Variants in SLC2A2 observed in about 807,000 individuals in gnomAD.
SLC2A2 encodes the protein solute carrier family 2 member 2.
A neutral mutation model predicts 54.5 loss-of-function variants in SLC2A2; 36 were observed. The ratio of observed to expected loss-of-function variants is 0.66; its 90% confidence interval spans 0.51 to 0.87. SLC2A2 has a LOEUF of 0.87. SLC2A2 is among the 40% of genes least tolerant of loss of function. The pLI is 0.00. For missense variants in SLC2A2, 543 were observed against 624.3 expected, an observed-to-expected ratio of 0.87 and a Z score of 1.39; for synonymous variants, 223 against 219.1, an observed-to-expected ratio of 1.02 and a Z score of -0.16.
At position 170,996,862 on chromosome 3, in the gene SLC2A2, A is replaced by G. The variant is rs1715101263; in HGVS notation, c.*1041T>C. 2 of 388,346 alleles carry G rather than the reference A, an allele frequency of 5.2e-6. No homozygotes were observed. Among genetic ancestry groups the G allele is most frequent in the Admixed American group, 4.5e-5 (1 of 22,464 alleles). 24.1% of individuals were successfully genotyped at this position (388,346 alleles called of 1,614,324 possible). A position where few individuals can be genotyped will look rare whatever the true frequency, so the allele number is the denominator to read the frequency against. On this transcript the variant is annotated 3_prime_UTR_variant, in exon 11 of 11. Transcript: ENST00000314251. Reference sequence around the variant, plus strand: ...TTTTGATAAAAGTCTGAAGCTGAACATTTATGAAGTTTCAGAAGCCCACAC... The same window carrying G: ...TTTTGATAAAAGTCTGAAGCTGAACGTTTATGAAGTTTCAGAAGCCCACAC...
chr3:171,013,205 C>A (rs1715970921), intron 3 of SLC2A2, among the ~76,000 whole-genome samples: 1 of 151,974 alleles, frequency 6.6e-6, no homozygotes. Flanking sequence ...AGCCCACTTG[C>A]TAGGAAATAA....
intron 9 of SLC2A2, 45 bp from the exon 10 acceptor site, chr3:170,998,441 C>G (rs1254219759): frequency 2.0e-6 from 3 of 1,526,564 alleles, no homozygotes; most frequent in Non-Finnish European, 2.7e-6. Context: ...GATCATTTGG[C>G]TGCTTTTTCC....
chr3:171,005,515 C>G, intron 6 of SLC2A2, 43 bp from the exon 7 acceptor site: 1 of 1,504,774 alleles, frequency 6.6e-7, no homozygotes, highest in Non-Finnish European at 9.2e-7. Context: ...CAGGCCAAAA[C>G]AAAAAGAAAT....
intron 5 of SLC2A2, among the ~76,000 whole-genome samples, chr3:171,006,629 C>T (rs1340267984): frequency 6.6e-6 from 1 of 151,962 alleles, no homozygotes; most frequent in Non-Finnish European, 1.5e-5. Context: ...TTATAGACTA[C>T]CCTCTGGATT....
intron 2 of SLC2A2, among the ~76,000 whole-genome samples, chr3:171,017,015 G>A (rs959185736): frequency 6.6e-6 from 1 of 152,054 alleles, no homozygotes; most frequent in Non-Finnish European, 1.5e-5. Flanking sequence ...ACCACGCCCA[G>A]CTAATTTTGT....
intron 4 of SLC2A2, among the ~76,000 whole-genome samples, chr3:171,009,281 T>C (rs1260713638): frequency 6.6e-6 from 1 of 152,100 alleles, no homozygotes; most frequent in African/African-American, 2.4e-5. Flanking sequence ...AGAATAAAGT[T>C]TGTGGGAGGA....
chr3:170,999,221 G>T, intron 8 of SLC2A2, 55 bp from the exon 9 acceptor site: 1 of 1,164,586 alleles, frequency 8.6e-7, no homozygotes, highest in Non-Finnish European at 1.3e-6. Flanking sequence ...AATATTGACT[G>T]TTTACTTAAA....
chr3:171,007,078 A>C, intron 5 of SLC2A2, 70 bp downstream of exon 5: 2 of 848,310 alleles, frequency 2.4e-6, no homozygotes, highest in Non-Finnish European at 4.1e-6. Context: ...AGGGGATGCA[A>C]TAGTAGTAGT....
intron 8 of SLC2A2, 53 bp downstream of exon 8, chr3:171,002,523 G>A (rs1451208567): frequency 5.0e-6 from 6 of 1,188,480 alleles, no homozygotes; most frequent in Non-Finnish European, 7.5e-6. Context: ...CACCCCTCCT[G>A]CAATTTCTGG....
At chr3:171,011,010 G>A (rs1715857565) in intron 3 of SLC2A2, among the ~76,000 whole-genome samples, 2 of 152,064 alleles carry the variant, frequency 1.3e-5, no homozygotes, top group South Asian at 2.1e-4. Flanking sequence ...AAATGTAAAC[G>A]TCCTTGTTAT....
chr3:171,023,786 C>T (rs773650192), intron 1 of SLC2A2, among the ~76,000 whole-genome samples: 10 of 152,148 alleles, frequency 6.6e-5, no homozygotes, highest in Non-Finnish European at 1.5e-4. Flanking sequence ...TCCACATAAC[C>T]TAGTAAGTGC....
chr3:171,015,027 G>T (rs1218395348), intron 2 of SLC2A2, among the ~76,000 whole-genome samples: 1 of 152,194 alleles, frequency 6.6e-6, no homozygotes, highest in Non-Finnish European at 1.5e-5. Context: ...GAATGGTCAG[G>T]ATTGTGGAAC....
Position 171,005,197 on chromosome 3 carries a change from A to G in SLC2A2, c.963+88T>C, listed in dbSNP as rs935230711. ...ACCCATGATGCCAATACCTTAAAAT[A>G]TCTTTTAGCTATTTAAACTTGTACC... On this transcript the variant is annotated intron_variant, in intron 7 of 10. Transcript: ENST00000314251. The G allele has an allele frequency of 2.8e-6, 3 of 1,073,936 alleles. No individual in the cohort carries two copies. The Middle Eastern group carries it at 6.0e-4, about 215-fold the overall frequency. 66.5% of individuals were successfully genotyped at this position (1,073,936 alleles called of 1,614,324 possible). A position where few individuals can be genotyped will look rare whatever the true frequency, so the allele number is the denominator to read the frequency against.
At position 170,997,476 on chromosome 3, in the gene SLC2A2, C is replaced by A; in HGVS notation, c.*427G>T. 5.9e-6 allele frequency: 1 copy of A among 168,836 alleles called. No individual in the cohort carries two copies. The highest frequency in any genetic ancestry group is 1.3e-5 in the Non-Finnish European group (1 of 78,914). The allele number at this position is 168,836 out of a possible 1,614,324, so 10.5% of individuals were successfully genotyped here. A position where few individuals can be genotyped will look rare whatever the true frequency, so the allele number is the denominator to read the frequency against. ...TAACATGGAACTTATTGCCACTAGCCATATCTCCTTTAACATAAGATATAT... is the reference window on the plus strand; with the variant it reads ...TAACATGGAACTTATTGCCACTAGCAATATCTCCTTTAACATAAGATATAT... On this transcript the variant is annotated 3_prime_UTR_variant, in exon 11 of 11. Coordinates refer to ENST00000314251, the MANE Select transcript of SLC2A2 (RefSeq NM_000340.2).
chr3:171,005,241 A>G (rs780194796), intron 7 of SLC2A2, 44 bp downstream of exon 7: 1 of 1,544,588 alleles, frequency 6.5e-7, no homozygotes, highest in Non-Finnish European at 8.9e-7. Context: ...TCCCTATTTT[A>G]ATTCACTGTG....
At chr3:171,003,782 A>G (rs1715458696) in intron 7 of SLC2A2, among the ~76,000 whole-genome samples, 1 of 152,030 alleles carries the variant, frequency 6.6e-6, no homozygotes. Context: ...TATAACTAGG[A>G]ATAGAATTGC....
chr3:171,012,734 T>C (rs1039645732), intron 3 of SLC2A2, among the ~76,000 whole-genome samples: 10 of 152,186 alleles, frequency 6.6e-5, no homozygotes, highest in African/African-American at 2.4e-4. Flanking sequence ...GATAATTTTA[T>C]GGGGATACTG....
At position 170,998,358 on chromosome 3, in the gene SLC2A2, G is replaced by A; in HGVS notation, c.1209C>T (p.Ala403=). Residue 403 remains alanine (A), a synonymous_variant, in exon 10 of 11, where the codon GCC becomes GCT. Transcript: ENST00000314251. ...FSWMSYVSMI[A]IFLFVSFFEI... ...CAAAGAAGCTGACAAAGAGGAAGAT[G>A]GCTATCATGCTCACATAACTCATCC... is the stretch of plus-strand genomic sequence containing the variant. 1 of 1,613,656 alleles carries A rather than the reference G, an allele frequency of 6.2e-7. No individual in the cohort carries two copies. Among genetic ancestry groups the A allele is most frequent in the Non-Finnish European group, 8.5e-7 (1 of 1,179,746 alleles).
chr3:171,013,866 T>G (rs115447692), intron 3 of SLC2A2, among the ~76,000 whole-genome samples: 1,558 of 151,998 alleles, frequency 0.01, 40 homozygotes, highest in African/African-American at 0.036. Flanking sequence ...TCCACTGATG[T>G]TTTTAATCCA....
Sources: allele counts gnomAD v4.1 joint callset (sites outside exome capture counted in the v4.1 genomes callset), GRCh38; gene constraint gnomAD v4.1.1; transcripts MANE v1.5; gene names NCBI Gene and HGNC (gene_info 2026-07-23, HGNC 2026-07-21).